Variants in SIRT2 observed in about 807,000 individuals in gnomAD.
The protein encoded by SIRT2 is sirtuin 2.
A neutral mutation model predicts 57.4 loss-of-function variants in SIRT2; 40 were observed. That is an observed-to-expected ratio of 0.70 (90% CI 0.54 to 0.91). SIRT2 has a LOEUF of 0.91. Ranked by LOEUF, SIRT2 falls within the 40% of genes least tolerant of loss-of-function variation. SIRT2 has a pLI of 0.00. For synonymous variants in SIRT2, 161 were observed against 195.7 expected (o/e 0.82, Z 1.48); for missense variants, 439 against 510.4 (o/e 0.86, Z 1.35).
At chr19:38,889,666 C>G (rs1973459921) in intron 7 of SIRT2, 23 bp downstream of exon 7, 3 of 1,613,334 alleles carry the variant, frequency 1.9e-6, no homozygotes, top group African/African-American at 1.3e-5. Context: ...CCTGTTTCGC[C>G]CCCTGCAAAA....
intron 8 of SIRT2, among the ~76,000 whole-genome samples, chr19:38,888,509 C>G (rs1179573858): frequency 6.6e-6 from 1 of 152,176 alleles, no homozygotes; most frequent in African/African-American, 2.4e-5. Flanking sequence ...GTGAGACTCT[C>G]CAAACCAGAA....
Position 38,889,739 on chromosome 19 carries a change from G to C in SIRT2, c.382C>G (p.Pro128Ala). ...IFEISYFKKHPEPFFALAKEL... is the reference protein window; with the variant it reads ...IFEISYFKKHAEPFFALAKEL... ...TTGGCGAGGGCGAAGAAGGGTTCCG[G>C]ATGTTTCTGTAGGAGAGACAGCCAG... Residue 128 changes from proline (P) to alanine (A), a missense_variant, in exon 7 of 16, where the codon CCG becomes GCG. Transcript: ENST00000249396. 6.2e-7 allele frequency: 1 copy of C among 1,614,158 alleles called. No individual in the cohort carries two copies. Among genetic ancestry groups the C allele is most frequent in the Non-Finnish European group, 8.5e-7 (1 of 1,180,018 alleles).
At chr19:38,897,527 CT>C (rs200909500) in intron 2 of SIRT2, among the ~76,000 whole-genome samples, 259 of 145,984 alleles carry the variant, frequency 1.8e-3, no homozygotes, top group Non-Finnish European at 2.0e-3. Flanking sequence ...ACTTTTCTTC[CT>C]TTTTTTTTTT....
chr19:38,880,394 C>A lies in SIRT2; in HGVS notation c.876+291G>T, dbSNP rs969045666. ...GACCCAGAGCGTGGACCCAACCCCG[C>A]CCCCCGCACTGTCTCTCCTGACCCC... On this transcript the variant is annotated intron_variant, in intron 13 of 15. Coordinates refer to ENST00000249396, the MANE Select transcript of SIRT2 (RefSeq NM_012237.4). This position sits in a 1 kb window ranked among gnomAD's most constrained non-coding sequence, Gnocchi z 4.1. 1 of 371,632 alleles carries A rather than the reference C, an allele frequency of 2.7e-6. No homozygotes were observed. Among genetic ancestry groups the A allele is most frequent in the Non-Finnish European group, 4.8e-6 (1 of 208,464 alleles). 23.0% of individuals were successfully genotyped at this position (371,632 alleles called of 1,614,324 possible). A position where few individuals can be genotyped will look rare whatever the true frequency, so the allele number is the denominator to read the frequency against.
In SIRT2 at chr19:38,883,616, T is replaced by C; in HGVS notation, c.631+11A>G. ...GAGGAGGCCTGCCCTCAGGATGCCCTCCAGCCTCACCTTTCATCCAGCTTA... is the reference window on the plus strand; with the variant it reads ...GAGGAGGCCTGCCCTCAGGATGCCCCCCAGCCTCACCTTTCATCCAGCTTA... On this transcript the variant is annotated intron_variant, in intron 9 of 15. Transcript: ENST00000249396. The C allele has an allele frequency of 9.9e-6, 16 of 1,612,358 alleles. No individual in the cohort carries two copies. Among genetic ancestry groups the C allele is most frequent in the Non-Finnish European group, 1.3e-5 (15 of 1,178,758 alleles).
At chr19:38,897,444 G>T (rs1389334050) in intron 2 of SIRT2, among the ~76,000 whole-genome samples, 1 of 152,090 alleles carries the variant, frequency 6.6e-6, no homozygotes, top group Non-Finnish European at 1.5e-5. Context: ...ATTCCTCCAG[G>T]GAATGGCCTG....
chr19:38,884,990 T>C (rs935425921), intron 8 of SIRT2, among the ~76,000 whole-genome samples: 1 of 152,124 alleles, frequency 6.6e-6, no homozygotes, highest in Admixed American at 6.6e-5. Context: ...TGAGTCATCA[T>C]GCCTGGCCCT....
chr19:38,896,674 A>T (rs532051805), intron 2 of SIRT2, among the ~76,000 whole-genome samples: 3 of 152,244 alleles, frequency 2.0e-5, no homozygotes, highest in East Asian at 3.9e-4. Context: ...GGGACTGAGG[A>T]TCCTTTTTAA....
At chr19:38,891,880 G>A (rs1273952144) in intron 4 of SIRT2, 1 of 469,332 alleles carries the variant, frequency 2.1e-6, no homozygotes, top group Non-Finnish European at 4.4e-6. Context: ...CAGGCTAAAA[G>A]ATGGCTGCAG....
At position 38,888,043 on chromosome 19, in the gene SIRT2, C is replaced by T. The variant is rs1011509316; in HGVS notation, c.501+1044G>A. Among the ~76,000 whole-genome samples, 41 of 151,422 alleles carry T rather than the reference C, an allele frequency of 2.7e-4. 1 individual carries two copies. Among genetic ancestry groups the T allele is most frequent in the Admixed American group, 2.5e-3 (38 of 15,212 alleles). ...TGCTGGGATTACAGGCGTGAGCCAC[C>T]GCGCCCGGCCACCTGTTTTATAATT... On this transcript the variant is annotated intron_variant, in intron 8 of 15. Coordinates refer to ENST00000249396, the MANE Select transcript of SIRT2 (RefSeq NM_012237.4).
chr19:38,893,810 G>A lies in SIRT2; in HGVS notation c.112+9C>T. ...ACCCTGCTCCCTGTCCCTCCAGGAA[G>A]ATACTCACTGTCTGCTTCTCCACCA... On this transcript the variant is annotated intron_variant, in intron 3 of 15. Coordinates refer to ENST00000249396, the MANE Select transcript of SIRT2 (RefSeq NM_012237.4). 2 of 1,614,004 alleles carry A rather than the reference G, an allele frequency of 1.2e-6. No homozygotes were observed. Among genetic ancestry groups the A allele is most frequent in the Non-Finnish European group, 1.7e-6 (2 of 1,179,938 alleles).
Position 38,893,820 on chromosome 19 carries a change from G to A in SIRT2, c.111C>T (p.Asp37=), listed in dbSNP as rs1303453335. The change falls in exon 3 of 16, where the codon GAC becomes GAT. Residue 37 remains aspartate, a splice_region_variant and synonymous_variant. Coordinates refer to ENST00000249396, the MANE Select transcript of SIRT2 (RefSeq NM_012237.4). ...CTGTCCCTCCAGGAAGATACTCACT[G>A]TCTGCTTCTCCACCAGCGGCTCCTC... ...SEGGAAGGEA[D]MDFLRNLFSQ... The A allele has an allele frequency of 6.2e-7, 1 of 1,613,912 alleles. No homozygotes were observed. Among genetic ancestry groups the A allele is most frequent in the Non-Finnish European group, 8.5e-7 (1 of 1,180,002 alleles).
intron 3 of SIRT2, 76 bp from the exon 4 acceptor site, chr19:38,893,603 C>T (rs776507374): frequency 1.6e-6 from 2 of 1,262,200 alleles, no homozygotes; most frequent in South Asian, 2.6e-5. Flanking sequence ...ACCCTGGCCC[C>T]AGCCCTGGGG....
chr19:38,889,127 A>G lies in SIRT2; in HGVS notation c.461T>C (p.Leu154Pro), dbSNP rs1973436850. 3.1e-6 allele frequency: 5 copies of G among 1,613,194 alleles called. No individual in the cohort carries two copies. The highest frequency in any genetic ancestry group is 3.3e-4 in the Middle Eastern group (2 of 6,062). The stretch of plus-strand genomic sequence containing the variant: ...CAGGAGTAGCCCCTTGTCCTTCAGC[A>G]GGCGCATGAAGTAGTGACAGATGGT... ...KPTICHYFMR[L>P]LKDKGLLLRC... The change falls in exon 8 of 16, where the codon CTG becomes CCG. Residue 154 changes from leucine to proline, a missense_variant. Physicochemically the swap from Leu to Pro is moderately conservative, Grantham distance 98 (BLOSUM62 -3). Coordinates refer to ENST00000249396, the MANE Select transcript of SIRT2 (RefSeq NM_012237.4).
rs768248112 is a variant in SIRT2 at position 38,899,616 on chromosome 19, A to C, written c.-95T>G. The C allele has an allele frequency of 6.5e-6, 10 of 1,537,540 alleles. No homozygotes were observed. Among genetic ancestry groups the C allele is most frequent in the East Asian group, 2.3e-5 (1 of 44,026 alleles). On this transcript the variant is annotated 5_prime_UTR_variant, in exon 1 of 16. Coordinates refer to ENST00000249396, the MANE Select transcript of SIRT2 (RefSeq NM_012237.4). ...CACCGACTGCTCTGTCCTGTCACCG[A>C]CTGCTCTGTCCCGTGACGGCACCAG...
Position 38,883,762 on chromosome 19 carries a change from G to GGGAGAGAT in SIRT2, c.502-14_502-7dup. On this transcript the variant is annotated splice_region_variant and splice_polypyrimidine_tract_variant and intron_variant, in intron 8 of 15. Coordinates refer to ENST00000249396, the MANE Select transcript of SIRT2 (RefSeq NM_012237.4). ...CGCTCCAGGGTATCTATGTTCTAGAGGGAGAGATGGAGGGAAGAGGGGTGA... is the reference window on the plus strand; with the variant it reads ...CGCTCCAGGGTATCTATGTTCTAGAGGGAGAGATGGAGAGATGGAGGGAAGAGGGGTGA... 1 of 1,613,872 alleles carries GGGAGAGAT rather than the reference G, an allele frequency of 6.2e-7. No homozygotes were observed. The highest frequency in any genetic ancestry group is 8.5e-7 in the Non-Finnish European group (1 of 1,179,836).
intron 5 of SIRT2, 46 bp downstream of exon 5, chr19:38,890,057 C>T: frequency 6.2e-7 from 1 of 1,612,380 alleles, no homozygotes; most frequent in Non-Finnish European, 8.5e-7. Context: ...TTGGGAGGGA[C>T]TCCCCAGTTC....
intron 2 of SIRT2, 53 bp downstream of exon 2, chr19:38,898,326 G>T: frequency 7.4e-7 from 1 of 1,342,300 alleles, no homozygotes; most frequent in Non-Finnish European, 9.9e-7. Context: ...CCCAGTGTGG[G>T]ATGTGGAACA....
rs538170681 is a variant in SIRT2 at position 38,884,046 on chromosome 19, T to C, written c.502-290A>G. On this transcript the variant is annotated intron_variant, in intron 8 of 15. Transcript: ENST00000249396. ...GGGAGGCTGAGGTGGGAGGATCACT[T>C]GAGGCCAGGAGTTCAAGACCTGCCT... Among the ~76,000 whole-genome samples, 18 of 151,220 alleles carry C rather than the reference T, an allele frequency of 1.2e-4. No individual in the cohort carries two copies. The South Asian group carries it at 1.9e-3, about 16-fold the overall frequency.
Sources: allele counts gnomAD v4.1 joint callset (sites outside exome capture counted in the v4.1 genomes callset), GRCh38; gene constraint gnomAD v4.1.1; non-coding constraint Gnocchi (gnomAD v3.1); transcripts MANE v1.5; gene names NCBI Gene and HGNC (gene_info 2026-07-23, HGNC 2026-07-21).